The following KCNQ3 variants were observed in gnomAD, a reference collection of about 807,000 sequenced individuals.
KCNQ3 encodes the protein potassium voltage-gated channel subfamily KQT member 3.
A neutral mutation model predicts 92.5 loss-of-function variants in KCNQ3; 30 were observed. That is an observed-to-expected ratio of 0.32 (90% CI 0.24 to 0.44). KCNQ3 has a LOEUF of 0.44. Ranked by LOEUF, KCNQ3 falls within the 20% of genes least tolerant of loss-of-function variation. The pLI, the probability that KCNQ3 is intolerant of heterozygous loss-of-function variation, is 1.00. For synonymous variants in KCNQ3, 450 were observed against 468.8 expected (o/e 0.96, Z 0.52); for missense variants, 913 against 1,140.3 (o/e 0.80, Z 2.87).
At chr8:132,132,043 G>A (rs911234521) in intron 14 of KCNQ3, 137 bp downstream of exon 14, 53 of 666,764 alleles carry the variant, frequency 7.9e-5, no homozygotes, top group African/African-American at 5.1e-4. Context: ...AGTCAAGATC[G>A]CGCCATTGCA....
At chr8:132,240,190 T>TC (rs1384414928) in intron 1 of KCNQ3, among the ~76,000 whole-genome samples, 1 of 150,076 alleles carries the variant, frequency 6.7e-6, no homozygotes, top group African/African-American at 2.5e-5. Context: ...TTCTTTTTTT[T>TC]TTTTTTTTTT....
chr8:132,354,116 C>T (rs1450897935), intron 1 of KCNQ3, among the ~76,000 whole-genome samples: 1 of 152,186 alleles, frequency 6.6e-6, no homozygotes, highest in Non-Finnish European at 1.5e-5. Context: ...TCTGATTTCC[C>T]TCCTAGTGCC....
At chr8:132,324,177 AG>A (rs1365598487) in intron 1 of KCNQ3, among the ~76,000 whole-genome samples, 1 of 152,234 alleles carries the variant, frequency 6.6e-6, no homozygotes. Flanking sequence ...ACTCAATCCC[AG>A]GAAGACTTCC....
chr8:132,315,384 G>A lies in KCNQ3; in HGVS notation c.387-129203C>T, dbSNP rs78948209. ...GAAAGTCTTGATTTCTGCCTGGGGG[G>A]CCGTAGGGTCACTACTGGAGATGAA... On this transcript the variant is annotated intron_variant, in intron 1 of 14. Coordinates refer to ENST00000388996, the MANE Select transcript of KCNQ3 (RefSeq NM_004519.4). Among the ~76,000 whole-genome samples the A allele has an allele frequency of 2.1e-3, 318 of 152,214 alleles. 1 individual carries two copies. Among genetic ancestry groups the A allele is most frequent in the African/African-American group, 7.1e-3 (297 of 41,552 alleles).
intron 1 of KCNQ3, among the ~76,000 whole-genome samples, chr8:132,419,143 G>A (rs1028790082): frequency 2.6e-5 from 4 of 152,094 alleles, no homozygotes; most frequent in South Asian, 2.1e-4. Flanking sequence ...CTAATACTTC[G>A]GGAACTAAGG....
At chr8:132,140,283 C>T (rs1825245103) in intron 10 of KCNQ3, 105 bp from the exon 11 acceptor site, 4 of 733,904 alleles carry the variant, frequency 5.5e-6, no homozygotes, top group East Asian at 2.7e-5. Context: ...GTGTCAATCC[C>T]CAGAGTCTTT....
At chr8:132,347,977 TAAAAAAAA>T (rs5895138) in intron 1 of KCNQ3, among the ~76,000 whole-genome samples, 9 of 78,102 alleles carry the variant, frequency 1.2e-4, no homozygotes, top group Non-Finnish European at 2.2e-4. Flanking sequence ...AGACTCCATC[TAAAAAAAA>T]AAAAAAAAAA....
At chr8:132,386,484 T>C (rs539101364) in intron 1 of KCNQ3, among the ~76,000 whole-genome samples, 1 of 152,166 alleles carries the variant, frequency 6.6e-6, no homozygotes, top group Non-Finnish European at 1.5e-5. Flanking sequence ...CTTGAAGCAG[T>C]TGGTGAAATA....
At position 132,150,893 on chromosome 8, in the gene KCNQ3, T is replaced by C. The variant is rs986356539; in HGVS notation, c.1263-9562A>G. On this transcript the variant is annotated intron_variant, in intron 9 of 14. Transcript: ENST00000388996. ...ATTAATTGGCCTAAAAGAAGGTAAG[T>C]GCTTGGATCAAATATTTTTTAAAGG... Among the ~76,000 whole-genome samples, 96 of 152,258 alleles carry C rather than the reference T, an allele frequency of 6.3e-4. 2 individuals are homozygous for C. The highest frequency in any genetic ancestry group is 6.2e-3 in the Admixed American group (95 of 15,292).
chr8:132,250,183 G>T (rs373510902), intron 1 of KCNQ3, among the ~76,000 whole-genome samples: 1 of 152,198 alleles, frequency 6.6e-6, no homozygotes, highest in East Asian at 1.9e-4. Context: ...GAGCGCGAGC[G>T]AGGGTCACCA....
chr8:132,282,070 A>G (rs1254848825), intron 1 of KCNQ3, among the ~76,000 whole-genome samples: 1 of 152,148 alleles, frequency 6.6e-6, no homozygotes, highest in Non-Finnish European at 1.5e-5. Context: ...ATACTGGCCC[A>G]TCACATATGC....
intron 1 of KCNQ3, among the ~76,000 whole-genome samples, chr8:132,398,894 C>T (rs2673605): frequency 0.5 from 76,529 of 152,056 alleles, 19,923 homozygotes; most frequent in South Asian, 0.61. Flanking sequence ...TTCAGACCAC[C>T]TCCCTGAGAC....
chr8:132,188,949 T>C (rs918594439), intron 1 of KCNQ3, among the ~76,000 whole-genome samples: 2 of 152,210 alleles, frequency 1.3e-5, no homozygotes, highest in African/African-American at 2.4e-5. Context: ...CTAGGCCTCA[T>C]GAACAACATG....
chr8:132,178,213 T>C (rs1158619968), intron 4 of KCNQ3, among the ~76,000 whole-genome samples: 8 of 152,136 alleles, frequency 5.3e-5, no homozygotes, highest in Non-Finnish European at 1.0e-4. Flanking sequence ...GCTGAACCCA[T>C]AGGGGTTTTA....
chr8:132,340,259 G>A (rs757961007), intron 1 of KCNQ3, among the ~76,000 whole-genome samples: 1 of 152,146 alleles, frequency 6.6e-6, no homozygotes, highest in Non-Finnish European at 1.5e-5. Flanking sequence ...TCCCATTACT[G>A]GTTGTATGCC....
chr8:132,347,136 C>T (rs914377048), intron 1 of KCNQ3, among the ~76,000 whole-genome samples: 9 of 152,274 alleles, frequency 5.9e-5, no homozygotes, highest in African/African-American at 2.2e-4. Flanking sequence ...TTTAAGGATA[C>T]CTTCTGCCCC....
intron 1 of KCNQ3, among the ~76,000 whole-genome samples, chr8:132,339,268 A>G (rs1818451957): frequency 6.6e-6 from 1 of 152,198 alleles, no homozygotes. Context: ...TCTATGTTGT[A>G]TATCATTTTT....
At chr8:132,148,915 A>T (rs747850) in intron 9 of KCNQ3, among the ~76,000 whole-genome samples, 81,375 of 152,018 alleles carry the variant, frequency 0.54, 22,115 homozygotes, top group African/African-American at 0.6. Flanking sequence ...AGATTGTGAG[A>T]TTTCTCAGCC....
In KCNQ3 at chr8:132,121,361, A is replaced by AT. The variant is rs746838929; in HGVS notation, c.*7900dup. On this transcript the variant is annotated 3_prime_UTR_variant, in exon 15 of 15. Coordinates refer to ENST00000388996, the MANE Select transcript of KCNQ3 (RefSeq NM_004519.4). ...AAACAAGGAAGGACTGACAAATCTG[A>AT]TGAAGTCCACCTATCTTTCTAAGTT... 2 of 152,194 alleles carry AT rather than the reference A, an allele frequency of 1.3e-5. No homozygotes were observed. Among genetic ancestry groups the AT allele is most frequent in the Admixed American group, 6.5e-5 (1 of 15,280 alleles). 9.4% of individuals were successfully genotyped at this position (152,194 alleles called of 1,614,324 possible).
Sources: allele counts gnomAD v4.1 joint callset (sites outside exome capture counted in the v4.1 genomes callset), GRCh38; gene constraint gnomAD v4.1.1; transcripts MANE v1.5; gene names NCBI Gene and HGNC (gene_info 2026-07-23, HGNC 2026-07-21).